STX8: variants seen among roughly 807,000 people sequenced by gnomAD.
STX8 encodes syntaxin-8.
Under a neutral mutation model 37.5 loss-of-function variants are expected in STX8, and 23 were observed. That is an observed-to-expected ratio of 0.61 (90% CI 0.44 to 0.87). The LOEUF (loss-of-function observed/expected upper bound fraction) is 0.87. Among genes scored for constraint, STX8 ranks in the 40% least tolerant of loss-of-function variants. The pLI is 0.00. For synonymous variants in STX8, 115 were observed against 99.1 expected (o/e 1.16, Z -0.95); for missense variants, 313 against 284.7 (o/e 1.10, Z -0.71).
At chr17:9,452,713 A>C (rs1218133008) in intron 6 of STX8, among the ~76,000 whole-genome samples, 1 of 151,912 alleles carries the variant, frequency 6.6e-6, no homozygotes, top group Non-Finnish European at 1.5e-5. Context: ...CAATGTATAA[A>C]CTTCTACACT....
chr17:9,454,690 A>C (rs1905138387), intron 6 of STX8, among the ~76,000 whole-genome samples: 1 of 136,766 alleles, frequency 7.3e-6, no homozygotes, highest in Non-Finnish European at 1.6e-5. Flanking sequence ...AAAAAAAAAA[A>C]CAAAAAAACT....
At chr17:9,438,660 G>A in intron 6 of STX8, among the ~76,000 whole-genome samples, 1 of 152,006 alleles carries the variant, frequency 6.6e-6, no homozygotes. Flanking sequence ...CGGGCGTGGT[G>A]GCTCACGTCT....
At chr17:9,570,837 A>G (rs577591706) in intron 1 of STX8, among the ~76,000 whole-genome samples, 2 of 152,076 alleles carry the variant, frequency 1.3e-5, no homozygotes, top group South Asian at 4.1e-4. Flanking sequence ...TGACCAAGGC[A>G]CTCAGATGGA....
intron 2 of STX8, among the ~76,000 whole-genome samples, chr17:9,562,592 C>G (rs1247724753): frequency 9.5e-6 from 1 of 105,104 alleles, no homozygotes; most frequent in Admixed American, 1.3e-4. Flanking sequence ...AAAGACAAGA[C>G]AGTTCACAGA....
intron 6 of STX8, among the ~76,000 whole-genome samples, chr17:9,478,291 A>G (rs1906179833): frequency 6.6e-6 from 1 of 152,016 alleles, no homozygotes; most frequent in African/African-American, 2.4e-5. Context: ...GTGCACCATC[A>G]CACCCAGCTA....
At chr17:9,354,549 T>C (rs767581470) in intron 7 of STX8, among the ~76,000 whole-genome samples, 7 of 152,102 alleles carry the variant, frequency 4.6e-5, no homozygotes, top group Middle Eastern at 3.4e-3. Flanking sequence ...CTTGATCTCC[T>C]AATCTCATGA....
intron 7 of STX8, among the ~76,000 whole-genome samples, chr17:9,251,152 T>C (rs1906561075): frequency 6.6e-6 from 1 of 152,248 alleles, no homozygotes. Flanking sequence ...TGTTTTGATA[T>C]ATACTTTTTC....
chr17:9,352,758 T>C (rs1910753597), intron 7 of STX8, among the ~76,000 whole-genome samples: 1 of 150,544 alleles, frequency 6.6e-6, no homozygotes, highest in African/African-American at 2.5e-5. Context: ...CGCCTCGGCC[T>C]CCCCCTTACT....
At chr17:9,427,613 C>G (rs1323614096) in intron 6 of STX8, among the ~76,000 whole-genome samples, 1 of 152,120 alleles carries the variant, frequency 6.6e-6, no homozygotes, top group Non-Finnish European at 1.5e-5. Flanking sequence ...CCTAGGCAAG[C>G]AGCTTGGCTG....
At chr17:9,313,359 G>T (rs113403437) in intron 7 of STX8, among the ~76,000 whole-genome samples, 3,501 of 152,214 alleles carry the variant, frequency 0.023, 65 homozygotes, top group Middle Eastern at 0.054. Context: ...TTTAAAAAAG[G>T]GAATTAGGAG....
At chr17:9,476,103 C>CG (rs975237428) in intron 6 of STX8, among the ~76,000 whole-genome samples, 19 of 151,722 alleles carry the variant, frequency 1.3e-4, no homozygotes, top group Non-Finnish European at 2.1e-4. Context: ...CGTTTGAAGC[C>CG]GGGGGGCGGA....
chr17:9,545,060 G>T, intron 4 of STX8, 112 bp downstream of exon 4: 1 of 669,432 alleles, frequency 1.5e-6, no homozygotes, highest in South Asian at 1.9e-5. Context: ...CACCATAAAT[G>T]AATAGAATAG....
At chr17:9,396,291 AG>A (rs1912397982) in intron 6 of STX8, among the ~76,000 whole-genome samples, 2 of 148,508 alleles carry the variant, frequency 1.3e-5, no homozygotes, top group Non-Finnish European at 3.0e-5. Context: ...AACTATAGAA[AG>A]GGTAAAATAA....
chr17:9,392,783 A>G (rs1912269310), intron 6 of STX8, among the ~76,000 whole-genome samples: 1 of 152,216 alleles, frequency 6.6e-6, no homozygotes, highest in Non-Finnish European at 1.5e-5. Flanking sequence ...AGCAGAATGG[A>G]CATGATACAG....
chr17:9,509,036 C>A (rs1200737379), intron 4 of STX8, among the ~76,000 whole-genome samples: 4 of 152,174 alleles, frequency 2.6e-5, no homozygotes, highest in African/African-American at 9.7e-5. Context: ...ATCACGATGT[C>A]AGGAGTTCAA....
chr17:9,274,160 C>T (rs12947027), intron 7 of STX8, among the ~76,000 whole-genome samples: 35,044 of 152,082 alleles, frequency 0.23, 4,317 homozygotes, highest in Admixed American at 0.3. Flanking sequence ...TCCCTCCCCT[C>T]TGCATGTTAA....
intron 1 of STX8, among the ~76,000 whole-genome samples, chr17:9,569,143 T>G (rs188294572): frequency 6.6e-6 from 1 of 152,178 alleles, no homozygotes; most frequent in Non-Finnish European, 1.5e-5. Flanking sequence ...GTTCTGCCAA[T>G]GAGAAAGCAT....
rs183822670 is a variant in STX8, at chr17:9,476,614, A to C, written c.541+15215T>G. The stretch of plus-strand genomic sequence containing the variant: ...ATTAGAGGCACATGCCACCACACCC[A>C]GCTAATTTTTATATTTTTAGTAGAG... On this transcript the variant is annotated intron_variant, in intron 6 of 7. Transcript: ENST00000306357. Among the ~76,000 whole-genome samples, 53 of 151,944 alleles carry C rather than the reference A, an allele frequency of 3.5e-4. 1 individual carries two copies. In the East Asian group the frequency reaches 0.01, roughly 29 times the overall value.
intron 7 of STX8, among the ~76,000 whole-genome samples, chr17:9,263,972 C>T (rs531928032): frequency 6.6e-6 from 1 of 152,220 alleles, no homozygotes; most frequent in Non-Finnish European, 1.5e-5. Context: ...TGACTTTCGA[C>T]TCTGGGTCAT....
Sources: allele counts gnomAD v4.1 joint callset (sites outside exome capture counted in the v4.1 genomes callset), GRCh38; gene constraint gnomAD v4.1.1; transcripts MANE v1.5; gene names NCBI Gene and HGNC (gene_info 2026-07-23, HGNC 2026-07-21).